CD72: variants seen among roughly 807,000 people sequenced by gnomAD.
CD72 encodes the protein CD72 molecule, also known as B-cell differentiation antigen CD72.
Under a neutral mutation model 50.7 loss-of-function variants are expected in CD72, and 28 were observed. The ratio of observed to expected loss-of-function variants is 0.55; its 90% CI spans 0.41 to 0.76. The LOEUF (loss-of-function observed/expected upper bound fraction) is 0.76, where lower values mean the gene tolerates loss of function less well. CD72 is among the 30% of genes least tolerant of loss of function. The probability of loss-of-function intolerance (pLI) is 0.00; values close to 1 mark genes in which losing one functional copy is unlikely to be tolerated. For synonymous variants in CD72, 176 were observed against 171.2 expected, an observed-to-expected ratio of 1.03 and a Z score of -0.22; for missense variants, 403 against 420.6, an observed-to-expected ratio of 0.96 and a Z score of 0.37.
At chr9:35,637,091 C>T (rs1823297659) in intron 1 of CD72, among the ~76,000 whole-genome samples, 1 of 152,164 alleles carries the variant, frequency 6.6e-6, no homozygotes, top group Admixed American at 6.5e-5. Context: ...ACCCTCCCCA[C>T]CCTTAAGAAG....
At chr9:35,631,207 C>T (rs1434539177) in intron 1 of CD72, among the ~76,000 whole-genome samples, 1 of 151,954 alleles carries the variant, frequency 6.6e-6, no homozygotes, top group African/African-American at 2.4e-5. Flanking sequence ...TTGCTTTTTA[C>T]TATGGCTTTT....
intron 1 of CD72, among the ~76,000 whole-genome samples, chr9:35,640,058 T>C (rs565009493): frequency 6.6e-6 from 1 of 152,336 alleles, no homozygotes; most frequent in Non-Finnish European, 1.5e-5. Flanking sequence ...CCACCAAAAA[T>C]GACTGAATTA....
chr9:35,642,743 T>C (rs901544903), intron 1 of CD72: 10 of 152,196 alleles, frequency 6.6e-5, no homozygotes, highest in Non-Finnish European at 1.5e-5. Context: ...GTGTATATAA[T>C]GGCCTGGCTA....
chr9:35,626,749 C>T (rs1172309264), intron 1 of CD72, among the ~76,000 whole-genome samples: 1 of 152,116 alleles, frequency 6.6e-6, no homozygotes, highest in Admixed American at 6.5e-5. Context: ...CTCAGATGAT[C>T]ATTAACATTT....
At chr9:35,618,815 T>C (rs890684547), upstream of CD72, 13 of 1,271,932 alleles carry the variant, frequency 1.0e-5, no homozygotes, top group Admixed American at 2.3e-5. Flanking sequence ...TTTGCATCCC[T>C]CGCTTCTCAT....
chr9:35,638,767 G>A (rs1823313564), intron 1 of CD72, among the ~76,000 whole-genome samples: 1 of 151,484 alleles, frequency 6.6e-6, no homozygotes. Context: ...CTCCAGGAAG[G>A]CATCAGAGCA....
At chr9:35,637,240 ACTCT>A (rs201173020) in intron 1 of CD72, among the ~76,000 whole-genome samples, 2 of 151,958 alleles carry the variant, frequency 1.3e-5, no homozygotes, top group Non-Finnish European at 2.9e-5. Context: ...CCCTTTGCTG[ACTCT>A]CTATTCGGAC....
chr9:35,624,986 T>C (rs982082000), intron 1 of CD72, among the ~76,000 whole-genome samples: 8 of 152,144 alleles, frequency 5.3e-5, no homozygotes, highest in Non-Finnish European at 1.2e-4. Flanking sequence ...TGGGTCTCTC[T>C]ATTCCCTGAG....
chr9:35,623,469 TTTTTG>T (rs1349488480), upstream of CD72, among the ~76,000 whole-genome samples: 1 of 152,190 alleles, frequency 6.6e-6, no homozygotes, highest in Non-Finnish European at 1.5e-5. Flanking sequence ...TAGCCCTTTT[TTTTTG>T]TTTTGTTTTT....
At chr9:35,610,844 A>C in intron 7 of CD72, 91 bp from the exon 8 acceptor site, 1 of 1,044,650 alleles carries the variant, frequency 9.6e-7, no homozygotes, top group Non-Finnish European at 1.4e-6. Flanking sequence ...CTAAATCCTA[A>C]CTCACCCTGC....
In CD72 at chr9:35,625,445, G is replaced by C. The variant is rs186009108; in HGVS notation, n.409-7324C>G. On this transcript the variant is annotated intron_variant and non_coding_transcript_variant, in intron 1 of 3. Transcript: ENST00000465754. ...GAAGCCAGCAGAGGTTGGTTCCTGA[G>C]GTTTAAGGAAAGAAGCCAGCTCTAT... Among the ~76,000 whole-genome samples the C allele has an allele frequency of 2.1e-3, 315 of 152,300 alleles. 2 individuals carry two copies. The highest frequency in any genetic ancestry group is 1.7e-3 in the Non-Finnish European group (113 of 68,020).
At chr9:35,642,732 A>C (rs1823351249) in intron 1 of CD72, 1 of 152,126 alleles carries the variant, frequency 6.6e-6, no homozygotes, top group African/African-American at 2.4e-5. Flanking sequence ...TTCCTTAATT[A>C]GTGTATATAA....
At chr9:35,614,180 T>G (rs1322169530) in intron 5 of CD72, among the ~76,000 whole-genome samples, 1 of 152,216 alleles carries the variant, frequency 6.6e-6, no homozygotes, top group South Asian at 2.1e-4. Flanking sequence ...AGAGGAATTT[T>G]GTTCACTAGC....
At chr9:35,640,311 C>T (rs1269314872) in intron 1 of CD72, among the ~76,000 whole-genome samples, 2 of 152,186 alleles carry the variant, frequency 1.3e-5, no homozygotes, top group East Asian at 1.9e-4. Context: ...TTAGTGTTAC[C>T]GTGGGTCTTT....
chr9:35,618,199 AG>A, intron 1 of CD72, 22 bp downstream of exon 1: 1 of 1,609,602 alleles, frequency 6.2e-7, no homozygotes, highest in Non-Finnish European at 8.5e-7. Flanking sequence ...TGCAGGATCA[AG>A]GGGAGGCCTC....
upstream of CD72, among the ~76,000 whole-genome samples, chr9:35,623,927 T>G (rs1432691499): frequency 7.7e-6 from 1 of 129,166 alleles, no homozygotes; most frequent in East Asian, 2.3e-4. Context: ...AAAAAATGGG[T>G]TAAAAAGACA....
chr9:35,609,986 T>G lies in CD72; in HGVS notation c.*337A>C, dbSNP rs1822947910. 2.1e-6 allele frequency: 1 copy of G among 468,356 alleles called. No homozygotes were observed. Among genetic ancestry groups the G allele is most frequent in the Non-Finnish European group, 3.7e-6 (1 of 269,010 alleles). The allele number at this position is 468,356 out of a possible 1,614,324, so 29.0% of individuals were successfully genotyped here. ...ACATGAGACTAACACGTGCAATTAT[T>G]TAAAAAGATTTCAATAAAACTGCCT... On this transcript the variant is annotated 3_prime_UTR_variant, in exon 9 of 9. Coordinates refer to ENST00000259633, the MANE Select transcript of CD72 (RefSeq NM_001782.3). The surrounding 1 kb of genome is among the most constrained non-coding windows in gnomAD (Gnocchi z 6.7).
upstream of CD72, chr9:35,618,484 G>C (rs1823103386): frequency 7.0e-7 from 1 of 1,437,540 alleles, no homozygotes; most frequent in Non-Finnish European, 9.4e-7. Flanking sequence ...CAAACAGATG[G>C]GCTCAATGAA....
chr9:35,634,507 C>T lies in CD72; in HGVS notation n.408+11896G>A, dbSNP rs1587908410. Among the ~76,000 whole-genome samples the T allele has an allele frequency of 3.9e-5, 6 of 152,300 alleles. No homozygotes were observed. In the South Asian group the frequency reaches 1.0e-3, roughly 26 times the overall value. The stretch of plus-strand genomic sequence containing the variant: ...AGCTGGGATTACAGGAGCCCGCCAC[C>T]AGGCCCAGCTAATTTTTGTATTTTT... On this transcript the variant is annotated intron_variant and non_coding_transcript_variant, in intron 1 of 3. Coordinates refer to the CD72 transcript ENST00000465754.
Sources: allele counts gnomAD v4.1 joint callset (sites outside exome capture counted in the v4.1 genomes callset), GRCh38; gene constraint gnomAD v4.1.1; non-coding constraint Gnocchi (gnomAD v3.1); transcripts MANE v1.5; gene names NCBI Gene and HGNC (gene_info 2026-07-23, HGNC 2026-07-21).